Variants in CRACDL observed in about 807,000 individuals in gnomAD.
CRACDL encodes CRACD like.
Under a neutral mutation model 70.6 loss-of-function variants are expected in CRACDL, and 26 were observed. The ratio of observed to expected loss-of-function variants is 0.37; its 90% confidence interval spans 0.27 to 0.51. The LOEUF is 0.51. Ranked by LOEUF, CRACDL falls within the 20% of genes least tolerant of loss-of-function variation. CRACDL has a pLI of 0.94. For missense variants in CRACDL, 1,283 were observed against 1,376.9 expected (o/e 0.93, Z 1.08); for synonymous variants, 618 against 615.2 (o/e 1.00, Z -0.07).
intron 1 of CRACDL, among the ~76,000 whole-genome samples, chr2:98,887,286 A>C (rs1707824906): frequency 6.6e-6 from 1 of 152,144 alleles, no homozygotes; most frequent in South Asian, 2.1e-4. Context: ...GGAGTTCAAG[A>C]CCAGCTTGGG....
Position 98,823,044 on chromosome 2 carries a change from TC to T in CRACDL, c.1228del (p.Asp410ThrfsTer89). The T allele has an allele frequency of 6.4e-7, 1 of 1,552,084 alleles. No homozygotes were observed. Among genetic ancestry groups the T allele is most frequent in the Non-Finnish European group, 8.7e-7 (1 of 1,151,146 alleles). On this transcript the variant is annotated frameshift_variant, in exon 7 of 10. Coordinates refer to ENST00000397899, the MANE Select transcript of CRACDL (RefSeq NM_207362.3). LOFTEE classifies it high-confidence loss of function. This position sits in a 1 kb window ranked among gnomAD's most constrained non-coding sequence, Gnocchi z 4.0. ...SPFPTAIPEG[D>X]TTPPETDPAA... ...GGGGTCAGTCTCGGGGGGAGTCGTG[TC>T]CCCCTCAGGGATGGCGGTGGGAAAC...
At chr2:98,883,302 G>A (rs1482078701) in intron 1 of CRACDL, among the ~76,000 whole-genome samples, 2 of 152,210 alleles carry the variant, frequency 1.3e-5, no homozygotes, top group Non-Finnish European at 2.9e-5. Context: ...CACAGAGCTG[G>A]GAGGATGGAG....
intron 1 of CRACDL, among the ~76,000 whole-genome samples, chr2:98,872,680 C>T (rs887487981): frequency 2.0e-5 from 3 of 152,218 alleles, no homozygotes; most frequent in African/African-American, 7.2e-5. Context: ...TTCAGTAAGC[C>T]TGGGCTGCAG....
chr2:98,821,981 C>T lies in CRACDL; in HGVS notation c.2292G>A (p.Arg764=). ...EPLSSKPPLP[R]KPLLQSFTLP... ...GCGTGAAGCTCTGCAGAAGCGGCTT[C>T]CGGGGCAGGGGCGGCTTGGAGCTGA... The change falls in exon 7 of 10, where the codon CGG becomes CGA. Residue 764 remains arginine (R), a synonymous_variant. Coordinates refer to ENST00000397899, the MANE Select transcript of CRACDL (RefSeq NM_207362.3). 1 of 1,531,194 alleles carries T rather than the reference C, an allele frequency of 6.5e-7. No homozygotes were observed. The highest frequency in any genetic ancestry group is 8.8e-7 in the Non-Finnish European group (1 of 1,139,796). The allele number at this position is 1,531,194 out of a possible 1,614,324, so 94.9% of individuals were successfully genotyped here.
chr2:98,874,384 A>G (rs1052910780), intron 1 of CRACDL, among the ~76,000 whole-genome samples: 5 of 152,196 alleles, frequency 3.3e-5, no homozygotes, highest in African/African-American at 1.2e-4. Context: ...TTCCAGGTGG[A>G]CATGGCTCTG....
At chr2:98,834,027 T>G (rs1705662797) in intron 3 of CRACDL, among the ~76,000 whole-genome samples, 1 of 152,182 alleles carries the variant, frequency 6.6e-6, no homozygotes, top group Non-Finnish European at 1.5e-5. Flanking sequence ...TCCCAGGATG[T>G]GTGTGTCCTC....
At chr2:98,849,907 C>A (rs1281144806) in intron 1 of CRACDL, among the ~76,000 whole-genome samples, 1 of 152,194 alleles carries the variant, frequency 6.6e-6, no homozygotes, top group Non-Finnish European at 1.5e-5. Flanking sequence ...TGCCAGGCCT[C>A]AGTATCCTCA....
At chr2:98,893,293 T>G (rs1384081120) in intron 1 of CRACDL, among the ~76,000 whole-genome samples, 1 of 40,038 alleles carries the variant, frequency 2.5e-5, no homozygotes, top group Non-Finnish European at 4.4e-5. Flanking sequence ...AGGAACCCTA[T>G]TTTTTTTTTT....
intron 1 of CRACDL, among the ~76,000 whole-genome samples, chr2:98,907,044 C>T (rs960348183): frequency 6.6e-6 from 1 of 152,176 alleles, no homozygotes; most frequent in African/African-American, 2.4e-5. Flanking sequence ...GTAATCCCAG[C>T]ACTTTAGGAG....
intron 1 of CRACDL, among the ~76,000 whole-genome samples, chr2:98,849,454 C>G (rs1450252801): frequency 1.3e-5 from 2 of 152,110 alleles, no homozygotes; most frequent in African/African-American, 4.8e-5. Flanking sequence ...GGGGCACCCC[C>G]TCCTGCCAAG....
chr2:98,804,372 C>T (rs141188007), intron 7 of CRACDL, among the ~76,000 whole-genome samples: 69 of 152,334 alleles, frequency 4.5e-4, no homozygotes, highest in Non-Finnish European at 9.1e-4. Flanking sequence ...CGCCTACTCG[C>T]TAAAATACAT....
At chr2:98,891,365 A>G (rs1707971627) in intron 1 of CRACDL, among the ~76,000 whole-genome samples, 1 of 135,156 alleles carries the variant, frequency 7.4e-6, no homozygotes, top group Admixed American at 7.7e-5. Flanking sequence ...TGACAGAGGG[A>G]GACTCCGTCT....
chr2:98,925,616 G>A (rs78163303), intron 1 of CRACDL, among the ~76,000 whole-genome samples: 9,062 of 152,234 alleles, frequency 0.06, 470 homozygotes, highest in South Asian at 0.18. Context: ...GCATACACGG[G>A]GAGTGCGCCT....
chr2:98,846,704 C>T (rs774170119), intron 2 of CRACDL, 27 bp downstream of exon 2: 63 of 1,604,098 alleles, frequency 3.9e-5, no homozygotes, highest in Non-Finnish European at 4.9e-5. Context: ...AAGTGCCCTC[C>T]CCAGAGCAGG....
intron 1 of CRACDL, among the ~76,000 whole-genome samples, chr2:98,874,945 C>A (rs1445375148): frequency 1.3e-5 from 2 of 152,188 alleles, no homozygotes; most frequent in Non-Finnish European, 2.9e-5. Context: ...GCAAGATGTC[C>A]TCCCCAAAAC....
chr2:98,913,162 A>G (rs1708583262), intron 1 of CRACDL, among the ~76,000 whole-genome samples: 1 of 152,170 alleles, frequency 6.6e-6, no homozygotes, highest in Non-Finnish European at 1.5e-5. Context: ...TTTCCTGAAG[A>G]CCTACTATGT....
rs114289219 is a variant in CRACDL at position 98,869,016 on chromosome 2, C to A, written c.-10-22206G>T. On this transcript the variant is annotated intron_variant, in intron 1 of 9. Transcript: ENST00000397899. ...GTGGCCACCCACGCCCCGGGAGTCA[C>A]GGCCTGGCCTCCCCTCCCTCGCGAC... 5,448 of 1,112,896 alleles carry A rather than the reference C, an allele frequency of 4.9e-3. 199 individuals carry two copies. The African/African-American group carries it at 0.078, about 16-fold the overall frequency. 68.9% of individuals were successfully genotyped at this position (1,112,896 alleles called of 1,614,324 possible).
Position 98,872,005 on chromosome 2 carries a change from T to A in CRACDL, c.-10-25195A>T, listed in dbSNP as rs540443570. On this transcript the variant is annotated intron_variant, in intron 1 of 9. Coordinates refer to ENST00000397899, the MANE Select transcript of CRACDL (RefSeq NM_207362.3). Reference sequence around the variant, plus strand: ...TACACCGCCATAAAAAAGAATGAAATCATGTCCTTTCCAGCAACACAGATG... The same window carrying A: ...TACACCGCCATAAAAAAGAATGAAAACATGTCCTTTCCAGCAACACAGATG... Among the ~76,000 whole-genome samples the A allele has an allele frequency of 4.1e-4, 62 of 152,242 alleles. 1 individual carries two copies. Among genetic ancestry groups the A allele is most frequent in the African/African-American group, 1.4e-3 (60 of 41,558 alleles).
intron 7 of CRACDL, among the ~76,000 whole-genome samples, chr2:98,800,022 T>C (rs926759272): frequency 2.0e-5 from 3 of 152,218 alleles, no homozygotes; most frequent in African/African-American, 7.2e-5. Flanking sequence ...CTGAAATTAC[T>C]AATACTTCTT....
Sources: gnomAD v4.1 joint callset for allele counts (sites outside exome capture counted in the v4.1 genomes callset) on GRCh38, gnomAD v4.1.1 for gene constraint, Gnocchi (gnomAD v3.1) non-coding constraint, MANE v1.5 for transcripts, NCBI Gene and HGNC (gene_info 2026-07-23, HGNC 2026-07-21) for gene names.